Variants in ABCA1 observed in about 807,000 individuals in gnomAD.
The protein encoded by ABCA1 is ATP binding cassette subfamily A member 1, also known as phospholipid-transporting ATPase ABCA1.
A neutral mutation model predicts 262.5 loss-of-function variants in ABCA1; 133 were observed. The observed-to-expected ratio is 0.51, with a 90% confidence interval of 0.44 to 0.59. The LOEUF is 0.59. Ranked by LOEUF, ABCA1 falls within the 20% of genes least tolerant of loss-of-function variation. ABCA1 has a pLI of 0.00. For missense variants in ABCA1, 2,452 were observed against 2,777.5 expected (o/e 0.88, Z 2.63); for synonymous variants, 1,022 against 1,043.5 (o/e 0.98, Z 0.40).
intron 12 of ABCA1, 132 bp from the exon 13 acceptor site, chr9:104,831,959 T>C (rs780699701): frequency 1.1e-5 from 10 of 900,396 alleles, no homozygotes; most frequent in Non-Finnish European, 1.6e-5. Context: ...CTCTCTAACG[T>C]AGTTTTCCAA....
chr9:104,831,149 T>TAAAAA (rs34121951), intron 13 of ABCA1, 48 bp from the exon 14 acceptor site: 360 of 925,680 alleles, frequency 3.9e-4, no homozygotes, highest in East Asian at 2.5e-3. Flanking sequence ...AACCATACAA[T>TAAAAA]AAAAAAAAAA....
chr9:104,909,607 T>G (rs1280741534), intron 1 of ABCA1, among the ~76,000 whole-genome samples: 1 of 133,954 alleles, frequency 7.5e-6, no homozygotes, highest in Non-Finnish European at 1.6e-5. Context: ...GCAAAAGAAA[T>G]ACACACACAC....
chr9:104,836,239 G>A (rs530673083), intron 11 of ABCA1, among the ~76,000 whole-genome samples: 46 of 152,128 alleles, frequency 3.0e-4, no homozygotes, highest in African/African-American at 1.1e-3. Flanking sequence ...AAACCCAGCC[G>A]CCCTTAAAGT....
Position 104,782,628 on chromosome 9 carries a change from A to G in ABCA1, c.*1687T>C, listed in dbSNP as rs1828610088. ...CCATATGGAAGTATTTGTTGTTTTT[A>G]TATTTTTCTTGACTAGTGATTGAAG... On this transcript the variant is annotated 3_prime_UTR_variant, in exon 50 of 50. Transcript: ENST00000374736. The G allele has an allele frequency of 6.6e-6, 1 of 152,174 alleles. No individual in the cohort carries two copies. The allele number at this position is 152,174 out of a possible 1,614,324, so 9.4% of individuals were successfully genotyped here. A position where few individuals can be genotyped will look rare whatever the true frequency, so the allele number is the denominator to read the frequency against.
intron 5 of ABCA1, among the ~76,000 whole-genome samples, chr9:104,872,703 T>C (rs1352284718): frequency 6.6e-6 from 1 of 152,200 alleles, no homozygotes; most frequent in African/African-American, 2.4e-5. Flanking sequence ...AATGCAACAG[T>C]GACAAGAGGA....
In ABCA1 at chr9:104,875,570, T is replaced by C. The variant is rs368960824; in HGVS notation, c.421+7469A>G. Among the ~76,000 whole-genome samples, 57 of 152,114 alleles carry C rather than the reference T, an allele frequency of 3.7e-4. No individual in the cohort carries two copies. The East Asian group carries it at 7.9e-3, about 21-fold the overall frequency. On this transcript the variant is annotated intron_variant, in intron 5 of 49. Coordinates refer to ENST00000374736, the MANE Select transcript of ABCA1 (RefSeq NM_005502.4). ...ACAAGGTGATATGTCCTCCAAAGGG[T>C]TCATCTCCAGCACAGTGACAAAATG...
intron 2 of ABCA1, among the ~76,000 whole-genome samples, chr9:104,902,828 A>G (rs1403763197): frequency 6.6e-6 from 1 of 152,202 alleles, no homozygotes; most frequent in Non-Finnish European, 1.5e-5. Context: ...AGCTACATTA[A>G]GACAGCCAAG....
chr9:104,875,764 G>C (rs933554316), intron 5 of ABCA1, among the ~76,000 whole-genome samples: 1 of 152,152 alleles, frequency 6.6e-6, no homozygotes, highest in Non-Finnish European at 1.5e-5. Context: ...TCCAGGCCAT[G>C]GCAGAGAACC....
chr9:104,843,526 T>C (rs1023105482), intron 8 of ABCA1, among the ~76,000 whole-genome samples: 8 of 152,228 alleles, frequency 5.3e-5, no homozygotes, highest in East Asian at 1.9e-4. Flanking sequence ...AGTTCTGGGT[T>C]TGAATCCCAG....
Position 104,832,530 on chromosome 9 carries a change from G to A in ABCA1, c.1509+44C>T, listed in dbSNP as rs781449996. On this transcript the variant is annotated intron_variant, in intron 12 of 49. Coordinates refer to ENST00000374736, the MANE Select transcript of ABCA1 (RefSeq NM_005502.4). ...ACCTTATTGTAACGTCTCAGAGAAA[G>A]AAGCCGTTAAGTCTTTTCTAAATGA... The A allele has an allele frequency of 1.6e-5, 26 of 1,599,050 alleles. No homozygotes were observed. In the South Asian group the frequency reaches 2.6e-4, roughly 16 times the overall value.
chr9:104,916,407 T>C (rs539139998), intron 1 of ABCA1, among the ~76,000 whole-genome samples: 14 of 152,284 alleles, frequency 9.2e-5, no homozygotes, highest in South Asian at 4.1e-4. Flanking sequence ...AAGATTCAAA[T>C]TGGACCAACA....
chr9:104,831,813 G>A lies in ABCA1; in HGVS notation c.1524C>T (p.Asn508=), dbSNP rs142239617. 2.3e-4 allele frequency: 370 copies of A among 1,614,180 alleles called. No homozygotes were observed. The African/African-American group carries it at 4.4e-3, about 19-fold the overall frequency. ...CTTCTGTTGCTATGGGTTCTAGCTT[G>A]TTCAGGTTGACACACTGATAGAAGA... ...ISRFMECVNL[N]KLEPIATEVW... is the part of the protein sequence containing the mutation. Residue 508 remains asparagine, a synonymous_variant, in exon 13 of 50, where the codon AAC becomes AAT. Transcript: ENST00000374736.
intron 5 of ABCA1, among the ~76,000 whole-genome samples, chr9:104,875,530 C>T (rs185289559): frequency 3.9e-5 from 6 of 152,260 alleles, no homozygotes; most frequent in South Asian, 4.1e-4. Flanking sequence ...TGTCCCTTTC[C>T]GCCCCTTGAC....
rs141907676 is a variant in ABCA1, at chr9:104,875,406, A to T, written c.421+7633T>A. On this transcript the variant is annotated intron_variant, in intron 5 of 49. Coordinates refer to ENST00000374736, the MANE Select transcript of ABCA1 (RefSeq NM_005502.4). ...CAAGCCAGATTCATGCCATGAACATAAGGGAAGTGGCAGCTGAGCCACTGA... is the reference window on the plus strand; with the variant it reads ...CAAGCCAGATTCATGCCATGAACATTAGGGAAGTGGCAGCTGAGCCACTGA... 7.8e-4 allele frequency among the ~76,000 whole-genome samples: 119 copies of T among 151,936 alleles called. 1 individual carries two copies. The highest frequency in any genetic ancestry group is 2.8e-3 in the African/African-American group (115 of 41,440).
At chr9:104,862,646 G>GCCCCCCAC (rs1564197987) in intron 5 of ABCA1, among the ~76,000 whole-genome samples, 3 of 2,902 alleles carry the variant, frequency 1.0e-3, no homozygotes, top group Admixed American at 3.1e-3. Flanking sequence ...GGCCGGGCCG[G>GCCCCCCAC]GCCGGGCCGG....
intron 6 of ABCA1, among the ~76,000 whole-genome samples, chr9:104,861,110 T>C (rs1224274422): frequency 1.3e-5 from 2 of 152,166 alleles, no homozygotes; most frequent in Non-Finnish European, 2.9e-5. Context: ...TCATTTCTGT[T>C]TCCCCAGTGC....
At chr9:104,905,002 T>C (rs1348179650) in intron 1 of ABCA1, among the ~76,000 whole-genome samples, 1 of 152,172 alleles carries the variant, frequency 6.6e-6, no homozygotes, top group Non-Finnish European at 1.5e-5. Context: ...GCTGGAATAG[T>C]CCCAAGTAGT....
At chr9:104,914,331 A>G (rs910324342) in intron 1 of ABCA1, among the ~76,000 whole-genome samples, 2 of 151,718 alleles carry the variant, frequency 1.3e-5, no homozygotes, top group Non-Finnish European at 2.9e-5. Context: ...ACAAAAAAGT[A>G]GCTGGGCATG....
intron 2 of ABCA1, among the ~76,000 whole-genome samples, chr9:104,902,425 C>T (rs928014987): frequency 6.6e-6 from 1 of 152,146 alleles, no homozygotes; most frequent in Non-Finnish European, 1.5e-5. Flanking sequence ...ACTGGCCAAA[C>T]TCAAAATGAT....
Sources: allele counts gnomAD v4.1 joint callset (sites outside exome capture counted in the v4.1 genomes callset), GRCh38; gene constraint gnomAD v4.1.1; transcripts MANE v1.5; gene names NCBI Gene and HGNC (gene_info 2026-07-23, HGNC 2026-07-21).